The following MED12L variants were observed in gnomAD, a reference collection of about 807,000 sequenced individuals.
MED12L encodes the protein mediator of RNA polymerase II transcription subunit 12-like protein.
A neutral mutation model predicts 281.3 loss-of-function variants in MED12L; 60 were observed. The observed-to-expected ratio is 0.21, with a 90% CI of 0.17 to 0.26. The LOEUF (loss-of-function observed/expected upper bound fraction) is 0.26, where lower values mean the gene tolerates loss of function less well. Ranked by LOEUF, MED12L falls within the 10% of genes least tolerant of loss-of-function variation. The pLI, the probability that MED12L is intolerant of heterozygous loss-of-function variation, is 1.00. For missense variants in MED12L, 2,146 were observed against 2,680.9 expected, an observed-to-expected ratio of 0.80 and a Z score of 4.41; for synonymous variants, 974 against 987.2, an observed-to-expected ratio of 0.99 and a Z score of 0.25.
At chr3:151,309,016 A>C (rs1440576377) in intron 16 of MED12L, among the ~76,000 whole-genome samples, 2 of 151,840 alleles carry the variant, frequency 1.3e-5, no homozygotes, top group Non-Finnish European at 2.9e-5. Context: ...TCAAACGTTC[A>C]CTCTCATTTT....
intron 11 of MED12L, among the ~76,000 whole-genome samples, chr3:151,172,694 C>T (rs1377049051): frequency 6.6e-6 from 1 of 152,182 alleles, no homozygotes. Context: ...AAGTCAGTTT[C>T]TAAAACCAAG....
intron 17 of MED12L, among the ~76,000 whole-genome samples, chr3:151,351,079 C>T (rs762478836): frequency 6.6e-5 from 10 of 152,022 alleles, no homozygotes; most frequent in Non-Finnish European, 1.3e-4. Context: ...TGGTATAAAC[C>T]ACCTCTAGGA....
chr3:151,235,508 A>C (rs1219328178), intron 16 of MED12L, among the ~76,000 whole-genome samples: 2 of 152,154 alleles, frequency 1.3e-5, no homozygotes, highest in Admixed American at 6.5e-5. Flanking sequence ...GATCGAGACC[A>C]TCATGGCTAA....
In MED12L at chr3:151,341,612, A is replaced by G. The variant is rs113620659; in HGVS notation, c.2251-8447A>G. 6.8e-3 allele frequency among the ~76,000 whole-genome samples: 1,031 copies of G among 151,530 alleles called. 10 individuals carry two copies. Among genetic ancestry groups the G allele is most frequent in the South Asian group, 0.024 (114 of 4,802 alleles). ...ATTATTATACGTTAAGTTTTAGGGT[A>G]CATGTGCACAATGTGCAGGTTAGTT... On this transcript the variant is annotated intron_variant, in intron 16 of 44. Transcript: ENST00000687756.
At chr3:151,402,588 A>G (rs554376736) in intron 39 of MED12L, among the ~76,000 whole-genome samples, 1 of 152,316 alleles carries the variant, frequency 6.6e-6, no homozygotes, top group Admixed American at 6.5e-5. Context: ...GAAGGACCCT[A>G]GCCCCTTGTT....
At chr3:151,186,425 C>G (rs536451553) in intron 12 of MED12L, among the ~76,000 whole-genome samples, 1 of 152,328 alleles carries the variant, frequency 6.6e-6, no homozygotes, top group Admixed American at 6.5e-5. Context: ...GTAGCCTTTG[C>G]AGCATCTCCT....
At chr3:151,236,677 T>C (rs1316519660) in intron 16 of MED12L, among the ~76,000 whole-genome samples, 1 of 152,232 alleles carries the variant, frequency 6.6e-6, no homozygotes, top group Non-Finnish European at 1.5e-5. Context: ...TTCCTAAAAG[T>C]GTGTGTGAAT....
At chr3:151,251,128 C>G (rs1047404169) in intron 16 of MED12L, among the ~76,000 whole-genome samples, 13 of 152,124 alleles carry the variant, frequency 8.5e-5, no homozygotes, top group Non-Finnish European at 5.9e-5. Context: ...CATCCTGAGC[C>G]CCATGCTTTT....
intron 16 of MED12L, among the ~76,000 whole-genome samples, chr3:151,287,983 CTCTA>C (rs1346613021): frequency 2.6e-5 from 4 of 152,258 alleles, no homozygotes; most frequent in African/African-American, 9.6e-5. Context: ...TTTATTAATA[CTCTA>C]TCCCTTCCCA....
intron 16 of MED12L, among the ~76,000 whole-genome samples, chr3:151,262,007 A>G (rs548328400): frequency 2.6e-5 from 4 of 152,284 alleles, no homozygotes; most frequent in East Asian, 1.9e-4. Context: ...GATTACAGGT[A>G]TGTGCCACTG....
chr3:151,205,793 A>C (rs1427674620), intron 16 of MED12L, among the ~76,000 whole-genome samples: 1 of 152,200 alleles, frequency 6.6e-6, no homozygotes, highest in African/African-American at 2.4e-5. Context: ...CAGTGATTAC[A>C]ATGGAGGCCA....
chr3:151,167,700 A>G (rs1467960114), intron 11 of MED12L, among the ~76,000 whole-genome samples: 1 of 152,218 alleles, frequency 6.6e-6, no homozygotes, highest in African/African-American at 2.4e-5. Flanking sequence ...TCCCTACTTC[A>G]GTGGAGCATG....
At chr3:151,314,203 C>T (rs1203381223) in intron 16 of MED12L, among the ~76,000 whole-genome samples, 1 of 152,188 alleles carries the variant, frequency 6.6e-6, no homozygotes, top group East Asian at 1.9e-4. Flanking sequence ...TCAGTGCTCT[C>T]GCTTAAATGT....
intron 4 of MED12L, among the ~76,000 whole-genome samples, chr3:151,123,638 T>C (rs1714089481): frequency 1.3e-5 from 2 of 152,202 alleles, no homozygotes; most frequent in African/African-American, 4.8e-5. Context: ...ACCTCGCTTA[T>C]AGTCCTGATC....
At chr3:151,244,413 C>T (rs1263690951) in intron 16 of MED12L, among the ~76,000 whole-genome samples, 2 of 136,712 alleles carry the variant, frequency 1.5e-5, no homozygotes, top group Non-Finnish European at 3.2e-5. Flanking sequence ...TTATAACAAA[C>T]TATCTCTCAG....
At chr3:151,258,171 A>T (rs1321996972) in intron 16 of MED12L, among the ~76,000 whole-genome samples, 1 of 152,176 alleles carries the variant, frequency 6.6e-6, no homozygotes, top group Non-Finnish European at 1.5e-5. Flanking sequence ...GGGAGTTCCG[A>T]TATGGTATGA....
rs144362935 is a variant in MED12L, at chr3:151,424,473, G to C, written c.6409-5826G>C. Among the ~76,000 whole-genome samples, 368 of 152,210 alleles carry C rather than the reference G, an allele frequency of 2.4e-3. 1 individual carries two copies. Among genetic ancestry groups the C allele is most frequent in the Non-Finnish European group, 4.5e-3 (308 of 68,010 alleles). On this transcript the variant is annotated intron_variant, in intron 43 of 44. Transcript: ENST00000687756. ...TCTGTATTAAAAATACAAAAAATTA[G>C]CTGGGTGTGGTGGTGGGCGCTGGTA... is the stretch of plus-strand genomic sequence containing the variant.
chr3:151,206,674 T>C (rs1311403299), intron 16 of MED12L, among the ~76,000 whole-genome samples: 2 of 73,588 alleles, frequency 2.7e-5, no homozygotes, highest in African/African-American at 1.1e-4. Context: ...AGACAGAGTC[T>C]TGCTCTGTCA....
At chr3:151,091,365 C>G (rs1720025791) in intron 2 of MED12L, among the ~76,000 whole-genome samples, 1 of 152,314 alleles carries the variant, frequency 6.6e-6, no homozygotes, top group South Asian at 2.1e-4. Context: ...CTGGTTGAAA[C>G]AGATTGCTGG....
Sources: gnomAD v4.1 joint callset for allele counts (sites outside exome capture counted in the v4.1 genomes callset) on GRCh38, gnomAD v4.1.1 for gene constraint, MANE v1.5 for transcripts, NCBI Gene and HGNC (gene_info 2026-07-23, HGNC 2026-07-21) for gene names.